Variants in CACNA1C observed in about 807,000 individuals in gnomAD.
CACNA1C encodes the protein calcium voltage-gated channel subunit alpha1 C.
Under a neutral mutation model 229.0 loss-of-function variants are expected in CACNA1C, and 30 were observed. The ratio of observed to expected loss-of-function variants is 0.13; its 90% CI spans 0.10 to 0.18. The LOEUF (loss-of-function observed/expected upper bound fraction) is 0.18, where lower values mean the gene tolerates loss of function less well. Ranked by LOEUF, CACNA1C falls within the 10% of genes least tolerant of loss-of-function variation. CACNA1C has a pLI of 1.00. For synonymous variants in CACNA1C, 1,114 were observed against 1,132.5 expected (o/e 0.98, Z 0.33); for missense variants, 1,658 against 2,845.0 (o/e 0.58, Z 9.49).
At chr12:2,492,664 T>C (rs968779010) in intron 6 of CACNA1C, among the ~76,000 whole-genome samples, 4 of 152,258 alleles carry the variant, frequency 2.6e-5, no homozygotes, top group Admixed American at 1.3e-4. Context: ...TGGACCCATA[T>C]AGTTAGAAAG....
rs1208011060 is a variant in CACNA1C at position 2,108,679 on chromosome 12, TC to T, written c.50-6543del. On this transcript the variant is annotated intron_variant, in intron 1 of 46. Transcript: ENST00000399655. The surrounding 1 kb of genome is among the most constrained non-coding windows in gnomAD (Gnocchi z 5.3). ...ACCACATGGTGCTCAGCACACACCATCCTTCCAGAGAGGAGTGCCACTGGGG... is the reference window on the plus strand; with the variant it reads ...ACCACATGGTGCTCAGCACACACCATCTTCCAGAGAGGAGTGCCACTGGGG... 6.6e-6 allele frequency among the ~76,000 whole-genome samples: 1 copy of T among 152,144 alleles called. No individual in the cohort carries two copies. Among genetic ancestry groups the T allele is most frequent in the Non-Finnish European group, 1.5e-5 (1 of 68,016 alleles).
intron 3 of CACNA1C, among the ~76,000 whole-genome samples, chr12:2,138,084 G>C (rs1285555432): frequency 6.6e-6 from 1 of 151,480 alleles, no homozygotes; most frequent in East Asian, 1.9e-4. Context: ...CAAATGCATA[G>C]CAGAAATAGT....
intron 5 of CACNA1C, among the ~76,000 whole-genome samples, chr12:2,474,542 G>A (rs1329734131): frequency 2.0e-5 from 3 of 152,042 alleles, no homozygotes; most frequent in Non-Finnish European, 2.9e-5. Context: ...ATCACTTGAG[G>A]CCAGGAGTTT....
In CACNA1C at chr12:2,575,153, A is replaced by C. The variant is rs1056478801; in HGVS notation, c.1896-6437A>C. Among the ~76,000 whole-genome samples the C allele has an allele frequency of 6.6e-6, 1 of 152,200 alleles. No homozygotes were observed. The highest frequency in any genetic ancestry group is 1.5e-5 in the Non-Finnish European group (1 of 68,040). Reference sequence around the variant, plus strand: ...AATGTGACCGAGACATCTGCTGCAAACAGAGAAGACAAGACCTTTGAACTT... The same window carrying C: ...AATGTGACCGAGACATCTGCTGCAACCAGAGAAGACAAGACCTTTGAACTT... On this transcript the variant is annotated intron_variant, in intron 13 of 46. Coordinates refer to ENST00000399655, the MANE Select transcript of CACNA1C (RefSeq NM_000719.7). The surrounding 1 kb of genome is among the most constrained non-coding windows in gnomAD (Gnocchi z 4.0).
chr12:2,103,539 A>G (rs1286736537), intron 1 of CACNA1C, among the ~76,000 whole-genome samples: 2 of 152,146 alleles, frequency 1.3e-5, no homozygotes, highest in African/African-American at 4.8e-5. Flanking sequence ...CTGTTCACTC[A>G]GATGATAATT....
rs1370408023 is a variant in CACNA1C at position 2,493,351 on chromosome 12, A to G, written c.1078A>G (p.Ile360Val). Residue 360 changes from isoleucine (I) to valine (V), a missense_variant, in exon 7 of 47, where the codon ATC becomes GTC. Coordinates refer to ENST00000399655, the MANE Select transcript of CACNA1C (RefSeq NM_000719.7). The surrounding 1 kb of genome is among the most constrained non-coding windows in gnomAD (Gnocchi z 4.6). ...AFAMLTVFQC[I>V]TMEGWTDVLY... ...CGCCATGCTCACGGTGTTCCAGTGC[A>G]TCACCATGGAGGGCTGGACGGACGT... 2 of 1,614,144 alleles carry G rather than the reference A, an allele frequency of 1.2e-6. No homozygotes were observed. The highest frequency in any genetic ancestry group is 1.7e-6 in the Non-Finnish European group (2 of 1,179,976).
chr12:2,041,569 C>T (rs1181161707), intron 1 of CACNA1C, among the ~76,000 whole-genome samples: 1 of 152,102 alleles, frequency 6.6e-6, no homozygotes, highest in Non-Finnish European at 1.5e-5. Context: ...AGCCACTGCG[C>T]CCGGCCCGCT....
chr12:2,141,896 A>G (rs1210451658), intron 3 of CACNA1C, among the ~76,000 whole-genome samples: 2 of 151,284 alleles, frequency 1.3e-5, no homozygotes, highest in Non-Finnish European at 3.0e-5. Flanking sequence ...TGTAAGCCAT[A>G]ATAACCCAGC....
intron 3 of CACNA1C, among the ~76,000 whole-genome samples, chr12:2,349,757 G>A (rs751494623): frequency 3.9e-5 from 6 of 152,154 alleles, no homozygotes; most frequent in Admixed American, 6.5e-5. Context: ...CTGCAGAATG[G>A]GGATAGGATG....
chr12:2,001,049 AAAAAG>A (rs1228312164), intron 1 of CACNA1C, among the ~76,000 whole-genome samples: 8 of 152,202 alleles, frequency 5.3e-5, no homozygotes, highest in Admixed American at 3.9e-4. Context: ...AAAAAAAAAA[AAAAAG>A]AGAGATAATC....
At chr12:2,506,526 T>C (rs769708853) in intron 8 of CACNA1C, among the ~76,000 whole-genome samples, 6 of 152,238 alleles carry the variant, frequency 3.9e-5, no homozygotes, top group Non-Finnish European at 7.3e-5. Context: ...CAGTGGTATA[T>C]AATAAGTGCC....
At chr12:1,981,394 T>A (rs1424539570) in intron 1 of CACNA1C, among the ~76,000 whole-genome samples, 1 of 152,226 alleles carries the variant, frequency 6.6e-6, no homozygotes, top group Non-Finnish European at 1.5e-5. Flanking sequence ...TATTTAATTG[T>A]GCACATTTAA....
At chr12:2,193,679 A>G (rs1250616301) in intron 3 of CACNA1C, among the ~76,000 whole-genome samples, 4 of 152,184 alleles carry the variant, frequency 2.6e-5, no homozygotes, top group African/African-American at 9.7e-5. Flanking sequence ...CAGCCCACCC[A>G]GCCGAGGAGG....
chr12:2,683,192 G>A (rs1156616937), intron 43 of CACNA1C, among the ~76,000 whole-genome samples: 1 of 152,138 alleles, frequency 6.6e-6, no homozygotes, highest in Non-Finnish European at 1.5e-5. Context: ...TTAGAAGGTG[G>A]TGACATCCAT....
intron 1 of CACNA1C, among the ~76,000 whole-genome samples, chr12:2,114,344 G>A (rs1028882009): frequency 6.6e-6 from 1 of 152,146 alleles, no homozygotes; most frequent in African/African-American, 2.4e-5. Flanking sequence ...CCTCCAGGAC[G>A]ACCATCCAGA....
chr12:2,036,187 G>A (rs773018151), intron 1 of CACNA1C, among the ~76,000 whole-genome samples: 1 of 152,200 alleles, frequency 6.6e-6, no homozygotes, highest in Non-Finnish European at 1.5e-5. Flanking sequence ...TGAAAAGCGT[G>A]TAGCTGAAAT....
At chr12:2,292,901 A>C (rs1047092841) in intron 3 of CACNA1C, among the ~76,000 whole-genome samples, 16 of 150,256 alleles carry the variant, frequency 1.1e-4, no homozygotes, top group African/African-American at 3.9e-4. Context: ...TTAAAGGGGC[A>C]TGCCAGAGAG....
At chr12:2,128,972 C>T (rs143882629) in intron 3 of CACNA1C, among the ~76,000 whole-genome samples, 7 of 152,284 alleles carry the variant, frequency 4.6e-5, no homozygotes, top group East Asian at 1.9e-4. Flanking sequence ...AGGCATCTCC[C>T]GGTCTGTGTT....
At chr12:1,999,428 T>C (rs985794199) in intron 1 of CACNA1C, among the ~76,000 whole-genome samples, 2 of 152,240 alleles carry the variant, frequency 1.3e-5, no homozygotes, top group Non-Finnish European at 2.9e-5. Flanking sequence ...ATAAAGAATT[T>C]AGACCAGGCA....
Sources: gnomAD v4.1 joint callset for allele counts (sites outside exome capture counted in the v4.1 genomes callset) on GRCh38, gnomAD v4.1.1 for gene constraint, Gnocchi (gnomAD v3.1) non-coding constraint, MANE v1.5 for transcripts, NCBI Gene and HGNC (gene_info 2026-07-23, HGNC 2026-07-21) for gene names.